The following STAG1 variants were observed in gnomAD, a reference collection of about 807,000 sequenced individuals.
STAG1 encodes STAG1 cohesin complex component.
In STAG1, 26 loss-of-function variants were observed where a neutral mutation model predicts 170.9. That is an observed-to-expected ratio of 0.15 (90% CI 0.11 to 0.21). The LOEUF (loss-of-function observed/expected upper bound fraction) is 0.21. Ranked by LOEUF, STAG1 falls within the 10% of genes least tolerant of loss-of-function variation. The probability of loss-of-function intolerance (pLI) is 1.00; values close to 1 mark genes in which losing one functional copy is unlikely to be tolerated. For synonymous variants in STAG1, 514 were observed against 497.7 expected (o/e 1.03, Z -0.44); for missense variants, 964 against 1,509.5 (o/e 0.64, Z 5.99).
At chr3:136,520,048 CTGAG>C (rs1178525860) in intron 7 of STAG1, among the ~76,000 whole-genome samples, 6 of 151,894 alleles carry the variant, frequency 4.0e-5, no homozygotes, top group Non-Finnish European at 8.8e-5. Flanking sequence ...TATGAATTAA[CTGAG>C]TAAGGGAAAA....
intron 4 of STAG1, among the ~76,000 whole-genome samples, chr3:136,576,768 G>A (rs1180752717): frequency 1.3e-5 from 2 of 152,160 alleles, no homozygotes; most frequent in Non-Finnish European, 2.9e-5. Flanking sequence ...ATAGTACAGA[G>A]TCCACATTCT....
At chr3:136,700,876 C>CTTT (rs35459362) in intron 1 of STAG1, among the ~76,000 whole-genome samples, 302 of 78,368 alleles carry the variant, frequency 3.9e-3, no homozygotes, top group Middle Eastern at 0.013. Context: ...TATTTTTTTT[C>CTTT]TTTTTTTTTT....
chr3:136,454,444 T>C (rs943409757), intron 13 of STAG1, among the ~76,000 whole-genome samples: 1 of 152,006 alleles, frequency 6.6e-6, no homozygotes, highest in Non-Finnish European at 1.5e-5. Context: ...AATGGCATGA[T>C]CTCTGCTTAC....
intron 13 of STAG1, among the ~76,000 whole-genome samples, chr3:136,461,619 C>T (rs1168571341): frequency 2.0e-5 from 3 of 148,588 alleles, no homozygotes; most frequent in African/African-American, 4.9e-5. Flanking sequence ...AAAGAAAACA[C>T]TGGGGATTCT....
intron 1 of STAG1, among the ~76,000 whole-genome samples, chr3:136,679,707 C>T (rs1431875050): frequency 2.3e-5 from 3 of 133,190 alleles, no homozygotes; most frequent in East Asian, 4.3e-4. Context: ...CTGGCCTGGG[C>T]GAAAGAGCAA....
At chr3:136,479,124 T>A (rs1233410320) in intron 9 of STAG1, among the ~76,000 whole-genome samples, 1 of 149,664 alleles carries the variant, frequency 6.7e-6, no homozygotes, top group African/African-American at 2.5e-5. Context: ...ATGTGCACAT[T>A]GTGCAGGTTA....
At chr3:136,479,291 T>C (rs1232909460) in intron 9 of STAG1, among the ~76,000 whole-genome samples, 29 of 128,594 alleles carry the variant, frequency 2.3e-4, no homozygotes, top group African/African-American at 1.1e-4. Context: ...TGTGATCTCA[T>C]TGTTCAATTC....
intron 1 of STAG1, among the ~76,000 whole-genome samples, chr3:136,644,358 C>G (rs554513529): frequency 6.6e-6 from 1 of 152,266 alleles, no homozygotes; most frequent in East Asian, 1.9e-4. Flanking sequence ...TAACCATACA[C>G]TTTTATCACT....
chr3:136,617,924 A>G (rs904801516), intron 3 of STAG1, among the ~76,000 whole-genome samples: 5 of 152,352 alleles, frequency 3.3e-5, no homozygotes, highest in African/African-American at 7.2e-5. Flanking sequence ...TCCAATTTTT[A>G]TAAGTGACCT....
At chr3:136,551,427 A>AATTTT (rs1936396717) in intron 5 of STAG1, among the ~76,000 whole-genome samples, 1 of 30,448 alleles carries the variant, frequency 3.3e-5, no homozygotes, top group Non-Finnish European at 6.0e-5. Context: ...ACATCTGGCT[A>AATTTT]ATTTTTTTTT....
At chr3:136,466,562 A>C (rs902323844) in intron 12 of STAG1, among the ~76,000 whole-genome samples, 2 of 152,238 alleles carry the variant, frequency 1.3e-5, no homozygotes, top group Non-Finnish European at 2.9e-5. Flanking sequence ...GAATGGAAAC[A>C]AGTTGGAAAA....
chr3:136,417,006 C>A (rs898526904), intron 21 of STAG1, among the ~76,000 whole-genome samples: 1 of 152,022 alleles, frequency 6.6e-6, no homozygotes, highest in Non-Finnish European at 1.5e-5. Flanking sequence ...GCCACTGCAT[C>A]TGGCTAATTT....
At chr3:136,529,766 C>G (rs1935273958) in intron 6 of STAG1, among the ~76,000 whole-genome samples, 1 of 152,076 alleles carries the variant, frequency 6.6e-6, no homozygotes, top group Non-Finnish European at 1.5e-5. Flanking sequence ...AATCAAATGA[C>G]ACTGCTACAG....
intron 22 of STAG1, among the ~76,000 whole-genome samples, chr3:136,397,074 T>C (rs1047323424): frequency 6.6e-5 from 10 of 152,352 alleles, no homozygotes; most frequent in African/African-American, 2.4e-4. Context: ...GTTTGTTCTA[T>C]ATGCAAATGC....
At chr3:136,364,290 C>G (rs930095730) in intron 25 of STAG1, among the ~76,000 whole-genome samples, 3 of 151,890 alleles carry the variant, frequency 2.0e-5, no homozygotes, top group African/African-American at 7.3e-5. Flanking sequence ...ACCATGTTGG[C>G]CAGGCTGGTC....
intron 9 of STAG1, among the ~76,000 whole-genome samples, chr3:136,479,060 C>CTTT (rs66966875): frequency 8.0e-6 from 1 of 125,176 alleles, no homozygotes; most frequent in South Asian, 2.3e-4. Context: ...TATAATCTTT[C>CTTT]TTTTTTTTTT....
intron 22 of STAG1, 47 bp downstream of exon 22, chr3:136,398,702 T>C (rs763759094): frequency 1.6e-5 from 18 of 1,160,360 alleles, no homozygotes; most frequent in Middle Eastern, 2.0e-4. Context: ...TTAAGCAAGG[T>C]TATTATTTCA....
chr3:136,717,520 C>G (rs971419209), intron 1 of STAG1, among the ~76,000 whole-genome samples: 1 of 152,064 alleles, frequency 6.6e-6, no homozygotes, highest in Non-Finnish European at 1.5e-5. Context: ...AAAAATTAAC[C>G]GAGTGTGGTG....
rs536508183 is a variant in STAG1, at chr3:136,421,745, A to T, written c.2038-582T>A. Among the ~76,000 whole-genome samples the T allele has an allele frequency of 2.6e-5, 4 of 152,356 alleles. No homozygotes were observed. The South Asian group carries it at 8.3e-4, about 32-fold the overall frequency. On this transcript the variant is annotated intron_variant, in intron 19 of 33. Transcript: ENST00000383202. Reference sequence around the variant, plus strand: ...CCATTGATAAGCAGGCATCCTTAAAAGTAGACTTAATTTGTACGCTCTATT... The same window carrying T: ...CCATTGATAAGCAGGCATCCTTAAATGTAGACTTAATTTGTACGCTCTATT...
Sources: allele counts gnomAD v4.1 joint callset (sites outside exome capture counted in the v4.1 genomes callset), GRCh38; gene constraint gnomAD v4.1.1; transcripts MANE v1.5; gene names NCBI Gene and HGNC (gene_info 2026-07-23, HGNC 2026-07-21).